Variants in TBC1D1 observed in about 807,000 individuals in gnomAD.
TBC1D1 encodes TBC1 (tre-2/USP6, BUB2, cdc16) domain family, member 1.
Under a neutral mutation model 125.6 loss-of-function variants are expected in TBC1D1, and 89 were observed. That is an observed-to-expected ratio of 0.71 (90% CI 0.60 to 0.85). TBC1D1 has a LOEUF of 0.85. TBC1D1 is among the 40% of genes least tolerant of loss of function. The pLI, the probability that TBC1D1 is intolerant of heterozygous loss-of-function variation, is 0.00. For missense variants in TBC1D1, 1,377 were observed against 1,469.2 expected (o/e 0.94, Z 1.03); for synonymous variants, 565 against 564.1 (o/e 1.00, Z -0.02).
rs58659939 is a variant in TBC1D1, at chr4:38,052,167, C to CTGTGTGTGTGTGTGTGTGTGTGTGTG, written c.1911-2029_1911-2004dup. 2.2e-5 allele frequency: 16 copies of CTGTGTGTGTGTGTGTGTGTGTGTGTG among 736,560 alleles called. No homozygotes were observed. The African/African-American group carries it at 2.8e-4, about 13-fold the overall frequency. 45.6% of individuals were successfully genotyped at this position (736,560 alleles called of 1,614,324 possible). On this transcript the variant is annotated intron_variant, in intron 11 of 19. Coordinates refer to ENST00000261439, the MANE Select transcript of TBC1D1 (RefSeq NM_015173.4). ...AATGTCCATGCAGGAAGCAGAGCCA[C>CTGTGTGTGTGTGTGTGTGTGTGTGTG]TGTGTGTGTGTGTGTGTGTGTGTGT...
chr4:38,049,956 G>A, intron 11 of TBC1D1, 58 bp downstream of exon 11: 1 of 1,529,322 alleles, frequency 6.5e-7, no homozygotes, highest in Non-Finnish European at 8.9e-7. Context: ...GACTAGCCAG[G>A]TATGTGCATC....
At chr4:37,927,263 A>G (rs1010121191) in intron 2 of TBC1D1, among the ~76,000 whole-genome samples, 4 of 152,140 alleles carry the variant, frequency 2.6e-5, no homozygotes, top group African/African-American at 9.7e-5. Context: ...CCCATTTCGA[A>G]TTTATTCTTT....
At chr4:38,009,220 G>A (rs373219822) in intron 2 of TBC1D1, among the ~76,000 whole-genome samples, 8 of 152,094 alleles carry the variant, frequency 5.3e-5, no homozygotes, top group African/African-American at 1.4e-4. Flanking sequence ...CAATGATTAC[G>A]TAGCATTTTT....
chr4:38,103,975 C>T (rs973767812), intron 15 of TBC1D1, among the ~76,000 whole-genome samples: 7 of 151,524 alleles, frequency 4.6e-5, no homozygotes, highest in Admixed American at 1.3e-4. Context: ...CTGGCTGACA[C>T]GGTGAAACCC....
Position 38,103,020 on chromosome 4 carries a change from G to C in TBC1D1, c.2420G>C (p.Gly807Ala), listed in dbSNP as rs1330791434. The change falls in exon 15 of 20, where the codon GGT (glycine) becomes GCT (alanine). Residue 807 changes from glycine to alanine, a missense_variant. By Grantham distance (60) the Gly-to-Ala change is moderately conservative. This residue lies in a region of TBC1D1 where 543 missense variants were observed against 613.5 expected (regional missense o/e 0.89). Coordinates refer to ENST00000261439, the MANE Select transcript of TBC1D1 (RefSeq NM_015173.4). ...AAAGGTGTGCCACGTCATCACCGAG[G>C]TGAAATCTGGAAATTTCTAGCTGAG... The C allele has an allele frequency of 7.4e-6, 12 of 1,613,944 alleles. No homozygotes were observed.
intron 12 of TBC1D1, among the ~76,000 whole-genome samples, chr4:38,085,129 G>A (rs1757261116): frequency 1.3e-5 from 2 of 152,212 alleles, no homozygotes; most frequent in Admixed American, 6.5e-5. Flanking sequence ...TAGAAAGAAT[G>A]CAACAGCACA....
intron 1 of TBC1D1, among the ~76,000 whole-genome samples, chr4:37,900,511 G>A (rs1715725352): frequency 6.6e-6 from 1 of 151,528 alleles, no homozygotes; most frequent in Non-Finnish European, 1.5e-5. Context: ...CCTACTTTGA[G>A]TCAGGCACTA....
At chr4:37,931,303 G>T (rs999526994) in intron 2 of TBC1D1, among the ~76,000 whole-genome samples, 4 of 151,826 alleles carry the variant, frequency 2.6e-5, no homozygotes, top group African/African-American at 9.7e-5. Context: ...TGCTGTGTTG[G>T]CCAGGCTGGT....
Position 38,116,056 on chromosome 4 carries a change from T to G in TBC1D1, c.2802+102T>G. The G allele has an allele frequency of 3.1e-6, 4 of 1,286,072 alleles. No homozygotes were observed. In the African/African-American group the frequency reaches 5.9e-5, roughly 19 times the overall value. The allele number at this position is 1,286,072 out of a possible 1,614,324, so 79.7% of individuals were successfully genotyped here. ...GAGCTTTTTCACCGTCAGGTAACAT[T>G]GTAATAGCTGTCACTGCTGATAAAG... On this transcript the variant is annotated intron_variant, in intron 16 of 19. Transcript: ENST00000261439.
chr4:37,986,905 A>T (rs927090639), intron 2 of TBC1D1, among the ~76,000 whole-genome samples: 1 of 152,244 alleles, frequency 6.6e-6, no homozygotes, highest in Middle Eastern at 3.4e-3. Flanking sequence ...AGTTGTGTTA[A>T]CTGTGCAAGA....
chr4:38,011,439 A>G (rs1042271515), intron 2 of TBC1D1, among the ~76,000 whole-genome samples: 21 of 152,170 alleles, frequency 1.4e-4, no homozygotes, highest in African/African-American at 5.1e-4. Flanking sequence ...TTACACACAG[A>G]TAGAACCCAT....
chr4:38,118,235 A>G (rs1763292481), intron 17 of TBC1D1, 43 bp downstream of exon 19: 1 of 1,602,712 alleles, frequency 6.2e-7, no homozygotes, highest in Admixed American at 1.7e-5. Flanking sequence ...GCCTTCTCTT[A>G]TTAGAGGGGA....
chr4:37,956,376 C>A (rs1215133755), intron 2 of TBC1D1, among the ~76,000 whole-genome samples: 1 of 152,142 alleles, frequency 6.6e-6, no homozygotes, highest in East Asian at 1.9e-4. Flanking sequence ...TTGTCTGACT[C>A]TCTTTTCACT....
chr4:37,943,882 C>G (rs941012794), intron 2 of TBC1D1, among the ~76,000 whole-genome samples: 1 of 152,176 alleles, frequency 6.6e-6, no homozygotes. Context: ...TGGTGAGGAG[C>G]TGCATTCCTT....
At chr4:38,010,434 T>C (rs922761471) in intron 2 of TBC1D1, among the ~76,000 whole-genome samples, 3 of 152,108 alleles carry the variant, frequency 2.0e-5, no homozygotes, top group African/African-American at 7.2e-5. Flanking sequence ...TCCTTTACTT[T>C]CCCTCCCGGA....
chr4:37,967,784 A>G (rs2152341094), intron 2 of TBC1D1, among the ~76,000 whole-genome samples: 1 of 152,312 alleles, frequency 6.6e-6, no homozygotes, highest in South Asian at 2.1e-4. Flanking sequence ...TAATGTTTCC[A>G]CTATGAATTA....
chr4:38,079,353 A>G (rs1425146631), intron 12 of TBC1D1, among the ~76,000 whole-genome samples: 1 of 152,200 alleles, frequency 6.6e-6, no homozygotes, highest in African/African-American at 2.4e-5. Flanking sequence ...TCTTAAGAAA[A>G]TGGTATTTAG....
chr4:38,108,321 G>A (rs1761678804), intron 15 of TBC1D1, among the ~76,000 whole-genome samples: 2 of 152,210 alleles, frequency 1.3e-5, no homozygotes, highest in African/African-American at 2.4e-5. Context: ...CCAGTGAGGC[G>A]TGCAGCCTCT....
chr4:38,015,540 C>T (rs999955436), intron 3 of TBC1D1, among the ~76,000 whole-genome samples: 10 of 151,946 alleles, frequency 6.6e-5, no homozygotes, highest in African/African-American at 2.2e-4. Context: ...GGGGCTGTCC[C>T]AGGTGGGTGG....
Sources: allele counts gnomAD v4.1 joint callset (sites outside exome capture counted in the v4.1 genomes callset), GRCh38; gene constraint gnomAD v4.1.1; regional missense constraint gnomAD v4.1.1; transcripts MANE v1.5; gene names NCBI Gene and HGNC (gene_info 2026-07-23, HGNC 2026-07-21).